Variants in ATP5PO observed in about 807,000 individuals in gnomAD.
The protein encoded by ATP5PO is ATP synthase peripheral stalk subunit OSCP, mitochondrial.
In ATP5PO, 14 loss-of-function variants were observed where a neutral mutation model predicts 26.2. The observed-to-expected ratio is 0.53, with a 90% CI of 0.35 to 0.83. The LOEUF (loss-of-function observed/expected upper bound fraction) is 0.83, where lower values mean the gene tolerates loss of function less well. Ranked by LOEUF, ATP5PO falls within the 40% of genes least tolerant of loss-of-function variation. ATP5PO has a pLI of 0.01. For missense variants in ATP5PO, 241 were observed against 258.5 expected (o/e 0.93, Z 0.46); for synonymous variants, 106 against 95.1 (o/e 1.12, Z -0.67).
At position 33,907,298 on chromosome 21, in the gene ATP5PO, T is replaced by C. The variant is rs779516024; in HGVS notation, c.441+43A>G. 3.5e-5 allele frequency: 53 copies of C among 1,513,154 alleles called. 2 individuals are homozygous for C. The South Asian group carries it at 4.1e-4, about 12-fold the overall frequency. 93.7% of individuals were successfully genotyped at this position (1,513,154 alleles called of 1,614,324 possible). A position where few individuals can be genotyped will look rare whatever the true frequency, so the allele number is the denominator to read the frequency against. ...TTTTCTTCCTGCAAAAGGTGACACA[T>C]GTAATATCAAGGCAAACACAGCAGC... is the stretch of plus-strand genomic sequence containing the variant. On this transcript the variant is annotated intron_variant, in intron 5 of 6. Coordinates refer to ENST00000290299, the MANE Select transcript of ATP5PO (RefSeq NM_001697.3).
intron 5 of ATP5PO, among the ~76,000 whole-genome samples, chr21:33,904,281 C>T (rs1455352284): frequency 2.0e-5 from 3 of 152,192 alleles, no homozygotes; most frequent in African/African-American, 7.2e-5. Flanking sequence ...GCCACTCCCT[C>T]CCTGCCTCTG....
In ATP5PO at chr21:33,904,465, G is replaced by A. The variant is rs557541754; in HGVS notation, c.442-444C>T. Among the ~76,000 whole-genome samples the A allele has an allele frequency of 3.7e-4, 57 of 152,252 alleles. No homozygotes were observed. The South Asian group carries it at 0.011, about 28-fold the overall frequency. On this transcript the variant is annotated intron_variant, in intron 5 of 6. Coordinates refer to ENST00000290299, the MANE Select transcript of ATP5PO (RefSeq NM_001697.3). Reference sequence around the variant, plus strand: ...GCTGAAAAGTTGCCATTTTAACCTGGTTTTACATCTTCATGTTTGCCTAGC... The same window carrying A: ...GCTGAAAAGTTGCCATTTTAACCTGATTTTACATCTTCATGTTTGCCTAGC...
intron 6 of ATP5PO, 90 bp downstream of exon 6, chr21:33,903,844 AG>A (rs1987134298): frequency 8.2e-7 from 1 of 1,215,912 alleles, no homozygotes; most frequent in East Asian, 2.4e-5. Context: ...ATTAGTATAG[AG>A]TTAGATCTAA....
chr21:33,912,422 G>C, intron 2 of ATP5PO, 23 bp from the exon 3 acceptor site: 1 of 1,569,702 alleles, frequency 6.4e-7, no homozygotes, highest in African/African-American at 1.4e-5. Flanking sequence ...GGTGAAATAG[G>C]AGAGGAAAGA....
At chr21:33,906,729 T>C (rs1156767886) in intron 5 of ATP5PO, 2 of 456,276 alleles carry the variant, frequency 4.4e-6, no homozygotes, top group Non-Finnish European at 8.8e-6. Context: ...AGCTTACACC[T>C]TTATTCCCAG....
intron 3 of ATP5PO, 52 bp downstream of exon 3, chr21:33,912,236 GA>G (rs1987258405): frequency 6.6e-7 from 1 of 1,508,660 alleles, no homozygotes; most frequent in Non-Finnish European, 9.1e-7. Context: ...ACAACCAAAG[GA>G]AAAAATATAC....
At position 33,906,976 on chromosome 21, in the gene ATP5PO, G is replaced by A. The variant is rs1230282604; in HGVS notation, c.441+365C>T. The A allele has an allele frequency of 1.3e-4, 45 of 341,422 alleles. 1 individual carries two copies. Among genetic ancestry groups the A allele is most frequent in the South Asian group, 8.1e-4 (35 of 43,474 alleles). 21.1% of individuals were successfully genotyped at this position (341,422 alleles called of 1,614,324 possible). On this transcript the variant is annotated intron_variant, in intron 5 of 6. Coordinates refer to ENST00000290299, the MANE Select transcript of ATP5PO (RefSeq NM_001697.3). The stretch of plus-strand genomic sequence containing the variant: ...TGCACTCTAGCCTGGGTGACAAAGT[G>A]AGACTCTGTCTCAAAAAAATAAACT...
rs144933816 is a variant in ATP5PO at position 33,903,877 on chromosome 21, A to T, written c.528+58T>A. The T allele has an allele frequency of 1.5e-3, 2,158 of 1,451,690 alleles. 51 individuals carry two copies. The East Asian group carries it at 0.042, about 28-fold the overall frequency. The allele number at this position is 1,451,690 out of a possible 1,614,324, so 89.9% of individuals were successfully genotyped here. A position where few individuals can be genotyped will look rare whatever the true frequency, so the allele number is the denominator to read the frequency against. On this transcript the variant is annotated intron_variant, in intron 6 of 6. Transcript: ENST00000290299. ...CTAATATTTCACTAGTACTTTCTGTAGCCATTTTAAGCTTAAAATAACCCG... is the reference window on the plus strand; with the variant it reads ...CTAATATTTCACTAGTACTTTCTGTTGCCATTTTAAGCTTAAAATAACCCG...
At chr21:33,904,922 G>A (rs1987149334) in intron 5 of ATP5PO, among the ~76,000 whole-genome samples, 1 of 152,182 alleles carries the variant, frequency 6.6e-6, no homozygotes, top group Admixed American at 6.5e-5. Context: ...TGTATTTTTA[G>A]TAGAGACGGG....
At chr21:33,912,573 G>T (rs539947802) in intron 2 of ATP5PO, among the ~76,000 whole-genome samples, 174 bp from the exon 3 acceptor site, 7 of 152,120 alleles carry the variant, frequency 4.6e-5, no homozygotes, top group Non-Finnish European at 1.0e-4. Context: ...ATAAATTAGC[G>T]ATGTTTCCTT....
chr21:33,904,664 C>T (rs557548876), intron 5 of ATP5PO, among the ~76,000 whole-genome samples: 4 of 152,298 alleles, frequency 2.6e-5, no homozygotes, highest in Admixed American at 6.5e-5. Flanking sequence ...ACTCTCCTCT[C>T]GGCCCCAACT....
rs1987136204 is a variant in ATP5PO, at chr21:33,903,971, G to A, written c.492C>T (p.Phe164=). 4.3e-6 allele frequency: 7 copies of A among 1,613,480 alleles called. No individual in the cohort carries two copies. The highest frequency in any genetic ancestry group is 5.9e-6 in the Non-Finnish European group (7 of 1,179,762). The change falls in exon 6 of 7, where the codon TTC becomes TTT. Residue 164 remains phenylalanine, a synonymous_variant. Coordinates refer to ENST00000290299, the MANE Select transcript of ATP5PO (RefSeq NM_001697.3). ...LSELKTVLKS[F]LSQGQVLKLE... ...ATTTCAATACTTGGCCTTGACTTAG[G>A]AAGCTCTTGAGGACAGTTTTTAATT...
At chr21:33,903,803 A>T in intron 6 of ATP5PO, 132 bp downstream of exon 6, 1 of 1,111,980 alleles carries the variant, frequency 9.0e-7, no homozygotes, top group Non-Finnish European at 1.3e-6. Flanking sequence ...ATTTAAATTT[A>T]AAATAAATAC....
chr21:33,912,455 A>C, intron 2 of ATP5PO, 56 bp from the exon 3 acceptor site: 1 of 1,262,532 alleles, frequency 7.9e-7, no homozygotes, highest in Admixed American at 1.8e-5. Context: ...AGTTAATAGT[A>C]TACTCTCAAG....
At chr21:33,905,312 G>A (rs1414357342) in intron 5 of ATP5PO, among the ~76,000 whole-genome samples, 1 of 152,012 alleles carries the variant, frequency 6.6e-6, no homozygotes, top group African/African-American at 2.4e-5. Flanking sequence ...CACATTTCAT[G>A]CCTACTATCT....
intron 5 of ATP5PO, chr21:33,906,342 A>C (rs978209035): frequency 4.1e-6 from 1 of 242,912 alleles, no homozygotes; most frequent in Non-Finnish European, 8.2e-6. Context: ...AAGAAAATAC[A>C]TATTGAAGAC....
intron 6 of ATP5PO, 82 bp from the exon 7 acceptor site, chr21:33,903,721 T>C: frequency 6.9e-7 from 1 of 1,444,600 alleles, no homozygotes; most frequent in Non-Finnish European, 9.7e-7. Flanking sequence ...AGGCTAAATG[T>C]GTTGCACAAA....
chr21:33,904,260 G>C (rs565358797), intron 5 of ATP5PO, among the ~76,000 whole-genome samples: 1 of 152,130 alleles, frequency 6.6e-6, no homozygotes, highest in Non-Finnish European at 1.5e-5. Flanking sequence ...GTTCAAGGAC[G>C]GCCTGTAAAT....
rs150299351 is a variant in ATP5PO, at chr21:33,903,956, T to C, written c.507A>G (p.Gln169=). The change falls in exon 6 of 7, where the codon CAA becomes CAG. Residue 169 remains glutamine (Q), a synonymous_variant. Transcript: ENST00000290299. The stretch of plus-strand genomic sequence containing the variant: ...CTACCTTAGCCTCCAATTTCAATAC[T>C]TGGCCTTGACTTAGGAAGCTCTTGA... ...TVLKSFLSQG[Q]VLKLEAKTDP... is the part of the protein sequence containing the mutation. The C allele has an allele frequency of 1.5e-5, 24 of 1,612,372 alleles. No individual in the cohort carries two copies. Among genetic ancestry groups the C allele is most frequent in the African/African-American group, 2.7e-5 (2 of 74,828 alleles).
Sources: gnomAD v4.1 joint callset for allele counts (sites outside exome capture counted in the v4.1 genomes callset) on GRCh38, gnomAD v4.1.1 for gene constraint, MANE v1.5 for transcripts, NCBI Gene and HGNC (gene_info 2026-07-23, HGNC 2026-07-21) for gene names.